Variants in TRIM13 observed in about 807,000 individuals in gnomAD.
TRIM13 encodes the protein E3 ubiquitin-protein ligase TRIM13.
Under a neutral mutation model 27.1 loss-of-function variants are expected in TRIM13, and 15 were observed. That is an observed-to-expected ratio of 0.55 (90% CI 0.37 to 0.85). TRIM13 has a LOEUF of 0.85. TRIM13 is among the 40% of genes least tolerant of loss of function. TRIM13 has a pLI of 0.00. For synonymous variants in TRIM13, 193 were observed against 171.5 expected, an observed-to-expected ratio of 1.13 and a Z score of -0.98; for missense variants, 402 against 472.2, an observed-to-expected ratio of 0.85 and a Z score of 1.38.
chr13:50,000,451 CA>C (rs1873885843), intron 1 of TRIM13, among the ~76,000 whole-genome samples: 1 of 151,806 alleles, frequency 6.6e-6, no homozygotes, highest in South Asian at 2.1e-4. Context: ...GTTACAATAC[CA>C]AAAAAACACA....
rs1253603465 is a variant in TRIM13, at chr13:50,017,364, A to G, written c.*4200A>G. ...AAATACGAAGTACTCTTTAAAAACC[A>G]TGCATTTGGAGAAAGTAATTGTTTC... On this transcript the variant is annotated 3_prime_UTR_variant, in exon 2 of 2. Coordinates refer to ENST00000378182, the MANE Select transcript of TRIM13 (RefSeq NM_213590.3). The G allele has an allele frequency of 6.0e-6, 1 of 167,114 alleles. No individual in the cohort carries two copies. The highest frequency in any genetic ancestry group is 1.5e-5 in the Non-Finnish European group (1 of 68,110). 10.4% of individuals were successfully genotyped at this position (167,114 alleles called of 1,614,324 possible).
At chr13:50,003,108 G>T (rs1874253027) in intron 1 of TRIM13, among the ~76,000 whole-genome samples, 1 of 152,020 alleles carries the variant, frequency 6.6e-6, no homozygotes, top group Non-Finnish European at 1.5e-5. Context: ...TTTTTAATGA[G>T]CCATTTTATT....
At position 50,015,229 on chromosome 13, in the gene TRIM13, A is replaced by G. The variant is rs1245938005; in HGVS notation, c.*2065A>G. ...CTATTTGATGTCTATCTTCAGATAT[A>G]TTGGCAGTTTTCCTTAAGCTATTTA... On this transcript the variant is annotated 3_prime_UTR_variant, in exon 2 of 2. Transcript: ENST00000378182. 7.4e-6 allele frequency: 2 copies of G among 268,538 alleles called. No homozygotes were observed. Among genetic ancestry groups the G allele is most frequent in the Non-Finnish European group, 1.5e-5 (2 of 136,184 alleles). The allele number at this position is 268,538 out of a possible 1,614,324, so 16.6% of individuals were successfully genotyped here.
intron 1 of TRIM13, among the ~76,000 whole-genome samples, chr13:50,001,688 A>C (rs1389670417): frequency 6.6e-6 from 1 of 152,050 alleles, no homozygotes; most frequent in Non-Finnish European, 1.5e-5. Context: ...TAATATATTA[A>C]TTTTCATTTT....
intron 1 of TRIM13, among the ~76,000 whole-genome samples, chr13:50,008,546 G>T (rs556309804): frequency 6.6e-6 from 1 of 152,206 alleles, no homozygotes; most frequent in South Asian, 2.1e-4. Context: ...TCTGAGGCAG[G>T]AGGATTGCTT....
At chr13:49,999,418 T>C (rs574434438) in intron 1 of TRIM13, among the ~76,000 whole-genome samples, 1 of 152,302 alleles carries the variant, frequency 6.6e-6, no homozygotes, top group African/African-American at 2.4e-5. Flanking sequence ...CTATTAAATT[T>C]TCCGCTCCTA....
intron 1 of TRIM13, among the ~76,000 whole-genome samples, chr13:50,005,364 A>ACT (rs1201742600): frequency 6.6e-6 from 1 of 151,980 alleles, no homozygotes; most frequent in Admixed American, 6.6e-5. Flanking sequence ...TGTCTTAGAG[A>ACT]AAGTTTTGAT....
Position 50,014,761 on chromosome 13 carries a change from A to G in TRIM13, c.*1597A>G, listed in dbSNP as rs561158365. ...AGAGTAAGATATTCCTTGAAAGCCC[A>G]TTAAGTGGAATAGACTTTCTGAAAA... On this transcript the variant is annotated 3_prime_UTR_variant, in exon 2 of 2. Transcript: ENST00000378182. The G allele has an allele frequency of 1.2e-3, 194 of 166,878 alleles. 2 individuals are homozygous for G. Among genetic ancestry groups the G allele is most frequent in the African/African-American group, 4.4e-3 (183 of 41,510 alleles). 10.3% of individuals were successfully genotyped at this position (166,878 alleles called of 1,614,324 possible).
chr13:50,007,910 C>CTTT (rs750998094), intron 1 of TRIM13, among the ~76,000 whole-genome samples: 1 of 143,914 alleles, frequency 6.9e-6, no homozygotes, highest in Non-Finnish European at 1.5e-5. Context: ...AAAGTATTCG[C>CTTT]TTTTTTTTTT....
At chr13:50,000,864 C>T (rs1873942651) in intron 1 of TRIM13, 1 of 152,194 alleles carries the variant, frequency 6.6e-6, no homozygotes, top group Non-Finnish European at 1.5e-5. Flanking sequence ...GTGGTAAGAA[C>T]ATTTAACATG....
chr13:50,013,069 G>C lies in TRIM13; in HGVS notation c.1129G>C (p.Asp377His). The C allele has an allele frequency of 6.2e-7, 1 of 1,613,848 alleles. No homozygotes were observed. Among genetic ancestry groups the C allele is most frequent in the Non-Finnish European group, 8.5e-7 (1 of 1,179,934 alleles). Residue 377 changes from aspartate (D) to histidine (H), a missense_variant, in exon 2 of 2, where the codon GAT becomes CAT. Physicochemically the swap from Asp to His is moderately conservative, Grantham distance 81. Transcript: ENST00000378182. Reference sequence around the variant, plus strand: ...AGTTTTTTACTGGGAACAGGTGACAGATGGGTTTTTCATTTTCAATGAAAG... The same window carrying C: ...AGTTTTTTACTGGGAACAGGTGACACATGGGTTTTTCATTTTCAATGAAAG... The part of the protein sequence containing the change: ...QSVFYWEQVT[D>H]GFFIFNERFK...
rs1451089193 is a variant in TRIM13, at chr13:50,013,296, A to G, written c.*132A>G. ...TATTCCTTCCAAAAATAATCTATAC[A>G]TGTTCAAATTAGGTAGCATAAAGAT... On this transcript the variant is annotated 3_prime_UTR_variant, in exon 2 of 2. Coordinates refer to ENST00000378182, the MANE Select transcript of TRIM13 (RefSeq NM_213590.3). 4.2e-6 allele frequency: 4 copies of G among 950,786 alleles called. No homozygotes were observed. The highest frequency in any genetic ancestry group is 6.0e-6 in the Non-Finnish European group (4 of 665,716). The allele number at this position is 950,786 out of a possible 1,614,324, so 58.9% of individuals were successfully genotyped here.
rs1873320613 is a variant in TRIM13, at chr13:49,997,213, CCAGGT to C, written c.-553_-549del. On this transcript the variant is annotated 5_prime_UTR_variant, in exon 1 of 2. Transcript: ENST00000378182. Reference sequence around the variant, plus strand: ...ACCTTCAGCGAGGGTGGGGAGTTGCCCAGGTCAGCAGGGATCTGCGTGGGTTGGGG... The same window carrying C: ...ACCTTCAGCGAGGGTGGGGAGTTGCCCAGCAGGGATCTGCGTGGGTTGGGG... The C allele has an allele frequency of 6.6e-6, 1 of 152,172 alleles. No homozygotes were observed. 9.4% of individuals were successfully genotyped at this position (152,172 alleles called of 1,614,324 possible). A position where few individuals can be genotyped will look rare whatever the true frequency, so the allele number is the denominator to read the frequency against.
At chr13:50,009,618 G>A (rs1394281694) in intron 1 of TRIM13, among the ~76,000 whole-genome samples, 1 of 151,264 alleles carries the variant, frequency 6.6e-6, no homozygotes, top group Non-Finnish European at 1.5e-5. Context: ...GTGCCTGTAG[G>A]CCCAGCTACT....
chr13:50,013,162 T>C lies in TRIM13; in HGVS notation c.1222T>C (p.Ter408GlnextTer17), dbSNP rs533842989. ...ATTTGTGTGCAAATATAAACTATTATAAAATCTGTTTCAAGTATGCAGTTT... is the reference window on the plus strand; with the variant it reads ...ATTTGTGTGCAAATATAAACTATTACAAAATCTGTTTCAAGTATGCAGTTT... ...AEFVCKYKLL[*>Q] The change falls in exon 2 of 2, where the codon TAA becomes CAA. Residue 408 changes from the stop codon to glutamine, a stop_lost. Transcript: ENST00000378182. The C allele has an allele frequency of 1.9e-6, 3 of 1,550,276 alleles. No individual in the cohort carries two copies. Among genetic ancestry groups the C allele is most frequent in the South Asian group, 1.2e-5 (1 of 80,088 alleles).
Position 50,001,291 on chromosome 13 carries a change from C to CAAA in TRIM13, c.-7+3544_-7+3546dup, listed in dbSNP as rs35933096. Among the ~76,000 whole-genome samples the CAAA allele has an allele frequency of 5.1e-3, 468 of 91,168 alleles. 6 individuals carry two copies. Among genetic ancestry groups the CAAA allele is most frequent in the Non-Finnish European group, 6.9e-3 (344 of 49,618 alleles). The allele number at this position is 91,168 out of a possible 152,430, so 59.8% of individuals were successfully genotyped here. On this transcript the variant is annotated intron_variant, in intron 1 of 1. Transcript: ENST00000378182. ...GGGTGACAAGAGCAAAACTCTGTCCCAAAAAAAAAAAAAAAAAAGGCAGGA... is the reference window on the plus strand; with the variant it reads ...GGGTGACAAGAGCAAAACTCTGTCCCAAAAAAAAAAAAAAAAAAAAAGGCAGGA...
intron 1 of TRIM13, among the ~76,000 whole-genome samples, chr13:50,000,660 A>G (rs1250278735): frequency 6.6e-6 from 1 of 152,254 alleles, no homozygotes; most frequent in African/African-American, 2.4e-5. Context: ...ATGCACGGAC[A>G]CATGGGATTG....
chr13:50,015,322 A>C lies in TRIM13; in HGVS notation c.*2158A>C, dbSNP rs951418284. The stretch of plus-strand genomic sequence containing the variant: ...CCAGGCAACTCGAATTTGCAAACAC[A>C]GCCATGGATACACTATTTACCTTAC... On this transcript the variant is annotated 3_prime_UTR_variant, in exon 2 of 2. Coordinates refer to ENST00000378182, the MANE Select transcript of TRIM13 (RefSeq NM_213590.3). 4 of 515,258 alleles carry C rather than the reference A, an allele frequency of 7.8e-6. No individual in the cohort carries two copies. The highest frequency in any genetic ancestry group is 2.0e-5 in the African/African-American group (1 of 50,814). The allele number at this position is 515,258 out of a possible 1,614,324, so 31.9% of individuals were successfully genotyped here.
chr13:50,018,421 A>G lies in TRIM13; in HGVS notation c.*5257A>G, dbSNP rs1042762502. On this transcript the variant is annotated 3_prime_UTR_variant, in exon 2 of 2. Transcript: ENST00000378182. ...GGGGTAAGTGGAATGATTTGCTAAT[A>G]TTGAGAATCTGTTGTATCAAACATA... 1.8e-5 allele frequency: 3 copies of G among 166,474 alleles called. No individual in the cohort carries two copies. Among genetic ancestry groups the G allele is most frequent in the African/African-American group, 7.2e-5 (3 of 41,454 alleles). The allele number at this position is 166,474 out of a possible 1,614,324, so 10.3% of individuals were successfully genotyped here.
Sources: allele counts gnomAD v4.1 joint callset (sites outside exome capture counted in the v4.1 genomes callset), GRCh38; gene constraint gnomAD v4.1.1; transcripts MANE v1.5; gene names NCBI Gene and HGNC (gene_info 2026-07-23, HGNC 2026-07-21).